WEE1: variants seen among roughly 807,000 people sequenced by gnomAD.
The protein encoded by WEE1 is WEE1 G2 checkpoint kinase.
Under a neutral mutation model 68.8 loss-of-function variants are expected in WEE1, and 16 were observed. That is an observed-to-expected ratio of 0.23 (90% confidence interval 0.16 to 0.35). The LOEUF (loss-of-function observed/expected upper bound fraction) is 0.35. WEE1 is among the 10% of genes least tolerant of loss of function. The pLI, the probability that WEE1 is intolerant of heterozygous loss-of-function variation, is 1.00. For synonymous variants in WEE1, 349 were observed against 318.7 expected, an observed-to-expected ratio of 1.09 and a Z score of -1.01; for missense variants, 651 against 824.1, an observed-to-expected ratio of 0.79 and a Z score of 2.57.
In WEE1 at chr11:9,573,802, C is replaced by T; in HGVS notation, c.-132C>T. On this transcript the variant is annotated 5_prime_UTR_variant, in exon 1 of 11. Coordinates refer to ENST00000450114, the MANE Select transcript of WEE1 (RefSeq NM_003390.4). ...CGAGCGCCCCGGAGCCGCAGGCCGC[C>T]GCCGCGCAGAGACGCCGCGGCTGCG... The T allele has an allele frequency of 4.0e-6, 3 of 750,668 alleles. No homozygotes were observed. Among genetic ancestry groups the T allele is most frequent in the Non-Finnish European group, 5.2e-6 (3 of 577,848 alleles). The allele number at this position is 750,668 out of a possible 1,614,324, so 46.5% of individuals were successfully genotyped here.
chr11:9,588,510 C>A lies in WEE1; in HGVS notation c.1849C>A (p.Arg617=), dbSNP rs979306559. Residue 617 remains arginine (R), a synonymous_variant, in exon 11 of 11, where the codon CGG becomes AGG. Transcript: ENST00000450114. ...AAEERALFTD[R]MATRSTTQSN... ...TGAGGAAAGAGCACTCTTCACTGACCGGATGGCCACTAGGTCCACCACCCA... is the reference window on the plus strand; with the variant it reads ...TGAGGAAAGAGCACTCTTCACTGACAGGATGGCCACTAGGTCCACCACCCA... 6 of 1,612,290 alleles carry A rather than the reference C, an allele frequency of 3.7e-6. No individual in the cohort carries two copies. The highest frequency in any genetic ancestry group is 1.3e-5 in the African/African-American group (1 of 74,898).
In WEE1 at chr11:9,576,288, G is replaced by C. The variant is rs965622635; in HGVS notation, c.841G>C (p.Ala281Pro). The change falls in exon 3 of 11, where the codon GCT becomes CCT. Residue 281 changes from alanine to proline, a missense_variant. Ala to Pro is a conservative substitution (Grantham distance 27). Around this residue, in one of 5 missense-constraint regions of WEE1, gnomAD observed 395 missense variants for 378.4 expected, o/e 1.04. Transcript: ENST00000450114. This position sits in a 1 kb window ranked among gnomAD's most constrained non-coding sequence, Gnocchi z 4.3. ...DYELEDETRPAKRITITESNM... is the reference protein window; with the variant it reads ...DYELEDETRPPKRITITESNM... ...TGAGCTTGAAGATGAAACAAGACCT[G>C]CTAAGGTAAATAGCTTTTTATTTTT... The C allele has an allele frequency of 2.0e-6, 3 of 1,526,550 alleles. No homozygotes were observed. The African/African-American group carries it at 4.1e-5, about 21-fold the overall frequency. The allele number at this position is 1,526,550 out of a possible 1,614,324, so 94.6% of individuals were successfully genotyped here. A position where few individuals can be genotyped will look rare whatever the true frequency, so the allele number is the denominator to read the frequency against.
In WEE1 at chr11:9,589,564, CAT is replaced by C. The variant is rs1313253127; in HGVS notation, c.*963_*964del. The C allele has an allele frequency of 1.2e-5, 12 of 985,638 alleles. No homozygotes were observed. In the Admixed American group the frequency reaches 6.2e-4, roughly 51 times the overall value. 61.1% of individuals were successfully genotyped at this position (985,638 alleles called of 1,614,324 possible). A position where few individuals can be genotyped will look rare whatever the true frequency, so the allele number is the denominator to read the frequency against. On this transcript the variant is annotated 3_prime_UTR_variant, in exon 11 of 11. Transcript: ENST00000450114. ...TTTGAAATGCCAGAATGACTTCTGA[CAT>C]TCCAAGTTTTTCACAAAATATATTT...
chr11:9,587,099 A>C (rs1023551792), intron 10 of WEE1, among the ~76,000 whole-genome samples: 3 of 152,080 alleles, frequency 2.0e-5, no homozygotes, highest in African/African-American at 7.2e-5. Flanking sequence ...TAGCTGAGCC[A>C]CAGATGCATG....
chr11:9,578,734 C>T (rs1849590936), intron 5 of WEE1: 2 of 152,034 alleles, frequency 1.3e-5, no homozygotes, highest in Non-Finnish European at 2.9e-5. Flanking sequence ...CCTACCAATA[C>T]ATGGTTGTGT....
Position 9,576,214 on chromosome 11 carries a change from A to G in WEE1, c.783-16A>G, listed in dbSNP as rs761750384. The G allele has an allele frequency of 1.9e-6, 3 of 1,548,750 alleles. No individual in the cohort carries two copies. Among genetic ancestry groups the G allele is most frequent in the Non-Finnish European group, 1.8e-6 (2 of 1,140,526 alleles). The stretch of plus-strand genomic sequence containing the variant: ...ATCTGTCAGATATATTGATAGAAAA[A>G]TAACATTTTTTTTAGTTCCTGTGGT... On this transcript the variant is annotated splice_polypyrimidine_tract_variant and intron_variant, in intron 2 of 10. Coordinates refer to ENST00000450114, the MANE Select transcript of WEE1 (RefSeq NM_003390.4). The surrounding 1 kb of genome is among the most constrained non-coding windows in gnomAD (Gnocchi z 4.3).
At chr11:9,585,194 A>ATCTT in intron 6 of WEE1, 64 bp from the exon 7 acceptor site, 1 of 1,260,422 alleles carries the variant, frequency 7.9e-7, no homozygotes, top group South Asian at 1.2e-5. Flanking sequence ...CTGGTATATG[A>ATCTT]TCTTGTTTAT....
In WEE1 at chr11:9,586,464, C is replaced by T. The variant is rs749218829; in HGVS notation, c.1486C>T (p.Pro496Ser). The T allele has an allele frequency of 8.9e-5, 143 of 1,613,084 alleles. No individual in the cohort carries two copies. Among genetic ancestry groups the T allele is most frequent in the Non-Finnish European group, 1.2e-4 (139 of 1,179,664 alleles). Residue 496 changes from proline to serine, a missense_variant, in exon 9 of 11, where the codon CCA becomes TCA. Around this residue, in one of 5 missense-constraint regions of WEE1, gnomAD observed 18 missense variants for 54.3 expected, o/e 0.33. Transcript: ENST00000450114. ...AATTTTACAGAATTATACCCATCTA[C>T]CAAAAGCAGATATTTTTGCGCTTGC... ...EVLQENYTHLPKADIFALALT... is the reference protein window; with the variant it reads ...EVLQENYTHLSKADIFALALT...
Position 9,588,714 on chromosome 11 carries a change from T to C in WEE1, c.*112T>C, listed in dbSNP as rs1184788330. On this transcript the variant is annotated 3_prime_UTR_variant, in exon 11 of 11. Coordinates refer to ENST00000450114, the MANE Select transcript of WEE1 (RefSeq NM_003390.4). ...TCTCGATTGGTGTCAGTAGTTTTAC[T>C]GATTAGGACTTTTATTGTGAATTAC... 1 of 1,385,498 alleles carries C rather than the reference T, an allele frequency of 7.2e-7. No homozygotes were observed. The highest frequency in any genetic ancestry group is 9.3e-7 in the Non-Finnish European group (1 of 1,069,818). 85.8% of individuals were successfully genotyped at this position (1,385,498 alleles called of 1,614,324 possible). A position where few individuals can be genotyped will look rare whatever the true frequency, so the allele number is the denominator to read the frequency against.
At chr11:9,587,923 A>C (rs2134359445) in intron 10 of WEE1, among the ~76,000 whole-genome samples, 1 of 152,194 alleles carries the variant, frequency 6.6e-6, no homozygotes, top group Non-Finnish European at 1.5e-5. Context: ...CTCTTATGTA[A>C]GGATAGATTC....
Position 9,574,215 on chromosome 11 carries a change from G to T in WEE1, c.282G>T (p.Leu94Phe). Residue 94 changes from leucine (L) to phenylalanine (F), a missense_variant, in exon 1 of 11, where the codon TTG becomes TTT. This residue lies in a region of WEE1 where 395 missense variants were observed against 378.4 expected (regional missense o/e 1.04). Transcript: ENST00000450114. The surrounding 1 kb of genome is among the most constrained non-coding windows in gnomAD (Gnocchi z 4.9). ...CCGGCGAGCTGGAGGAGGACCTGTT[G>T]CTGCCCGGCGCCTGCCCGGGCGCGG... ...GSPGELEEDLLLPGACPGADE... is the reference protein window; with the variant it reads ...GSPGELEEDLFLPGACPGADE... The T allele has an allele frequency of 1.3e-5, 15 of 1,181,626 alleles. No individual in the cohort carries two copies. The highest frequency in any genetic ancestry group is 1.6e-5 in the Non-Finnish European group (15 of 955,728). 73.2% of individuals were successfully genotyped at this position (1,181,626 alleles called of 1,614,324 possible).
chr11:9,575,388 T>G, intron 1 of WEE1: 1 of 991,862 alleles, frequency 1.0e-6, no homozygotes, highest in Non-Finnish European at 1.2e-6. Context: ...GAGTTTGTTT[T>G]GTTTTCAATG....
At chr11:9,587,393 A>G (rs371212988) in intron 10 of WEE1, among the ~76,000 whole-genome samples, 1 of 152,334 alleles carries the variant, frequency 6.6e-6, no homozygotes, top group African/African-American at 2.4e-5. Flanking sequence ...ACTAACATAT[A>G]TTTGCAAGTG....
intron 5 of WEE1, chr11:9,579,553 A>C (rs1849602044): frequency 6.6e-6 from 1 of 152,188 alleles, no homozygotes; most frequent in Non-Finnish European, 1.5e-5. Flanking sequence ...GGGAAAGAGA[A>C]CCTGAAATGT....
chr11:9,584,976 T>C (rs1018196034), intron 6 of WEE1, among the ~76,000 whole-genome samples: 1 of 152,078 alleles, frequency 6.6e-6, no homozygotes, highest in Non-Finnish European at 1.5e-5. Context: ...GGAGGTTGAA[T>C]GAAGCATGAG....
Position 9,574,027 on chromosome 11 carries a change from G to T in WEE1, c.94G>T (p.Asp32Tyr), listed in dbSNP as rs1446190064. The T allele has an allele frequency of 1.7e-5, 21 of 1,271,154 alleles. No individual in the cohort carries two copies. Among genetic ancestry groups the T allele is most frequent in the Non-Finnish European group, 2.1e-5 (21 of 1,008,272 alleles). 78.7% of individuals were successfully genotyped at this position (1,271,154 alleles called of 1,614,324 possible). A position where few individuals can be genotyped will look rare whatever the true frequency, so the allele number is the denominator to read the frequency against. ...GAAGCTGATCTTCTCGCCCTGCAGC[G>T]ACTGTGAGGAGGAGGAAGAAGAGGA... is the stretch of plus-strand genomic sequence containing the variant. Reference protein sequence around the residue: ...RQKLIFSPCSDCEEEEEEEEE... With the variant: ...RQKLIFSPCSYCEEEEEEEEE... The change falls in exon 1 of 11, where the codon GAC becomes TAC. Residue 32 changes from aspartate to tyrosine, a missense_variant. Physicochemically the swap from Asp to Tyr is radical, Grantham distance 160 (BLOSUM62 -3). Coordinates refer to ENST00000450114, the MANE Select transcript of WEE1 (RefSeq NM_003390.4). This position sits in a 1 kb window ranked among gnomAD's most constrained non-coding sequence, Gnocchi z 4.9.
intron 5 of WEE1, chr11:9,577,991 A>G (rs1056693056): frequency 2.5e-5 from 11 of 436,472 alleles, no homozygotes; most frequent in African/African-American, 2.1e-4. Flanking sequence ...GACGTCTGTC[A>G]TTATTATATA....
chr11:9,583,794 CACACACACATAT>C (rs1445108181), intron 6 of WEE1, among the ~76,000 whole-genome samples: 16 of 27,564 alleles, frequency 5.8e-4, no homozygotes, highest in African/African-American at 9.9e-4. Context: ...CACACACACA[CACACACACATAT>C]ATATATATAT....
Position 9,588,924 on chromosome 11 carries a change from T to A in WEE1, c.*322T>A. On this transcript the variant is annotated 3_prime_UTR_variant, in exon 11 of 11. Coordinates refer to ENST00000450114, the MANE Select transcript of WEE1 (RefSeq NM_003390.4). Reference sequence around the variant, plus strand: ...AAAGGTGTCTTTCCCTGTAGTGACCTGTAAAAAGTACTCAAGGGCTTTATT... The same window carrying A: ...AAAGGTGTCTTTCCCTGTAGTGACCAGTAAAAAGTACTCAAGGGCTTTATT... 1 of 996,682 alleles carries A rather than the reference T, an allele frequency of 1.0e-6. No individual in the cohort carries two copies. Among genetic ancestry groups the A allele is most frequent in the Non-Finnish European group, 1.2e-6 (1 of 836,988 alleles). 61.7% of individuals were successfully genotyped at this position (996,682 alleles called of 1,614,324 possible).
Sources: allele counts gnomAD v4.1 joint callset (sites outside exome capture counted in the v4.1 genomes callset), GRCh38; gene constraint gnomAD v4.1.1; regional missense constraint gnomAD v4.1.1; non-coding constraint Gnocchi (gnomAD v3.1); transcripts MANE v1.5; gene names NCBI Gene and HGNC (gene_info 2026-07-23, HGNC 2026-07-21).